The following CLYBL variants were observed in gnomAD, a reference collection of about 807,000 sequenced individuals.
The protein encoded by CLYBL is citramalyl-CoA lyase, mitochondrial.
CLYBL carries 31 observed loss-of-function variants against 38.9 expected under a neutral mutation model. The observed-to-expected ratio is 0.80, with a 90% confidence interval of 0.60 to 1.08. The LOEUF is 1.08. Among genes scored for constraint, CLYBL ranks in the 50% least tolerant of loss-of-function variants. The pLI is 0.00. For missense variants in CLYBL, 434 were observed against 411.6 expected, an observed-to-expected ratio of 1.05 and a Z score of -0.47; for synonymous variants, 171 against 158.6, an observed-to-expected ratio of 1.08 and a Z score of -0.59.
At chr13:99,881,489 C>T (rs2052207820) in intron 7 of CLYBL, among the ~76,000 whole-genome samples, 1 of 152,132 alleles carries the variant, frequency 6.6e-6, no homozygotes, top group African/African-American at 2.4e-5. Context: ...GTGGCATGAT[C>T]ATGGCTCACT....
intron 7 of CLYBL, chr13:99,877,629 TGCAATG>T (rs2052082918): frequency 6.1e-6 from 2 of 327,750 alleles, no homozygotes; most frequent in Admixed American, 4.6e-5. Context: ...CAGGCTGGAG[TGCAATG>T]GCGTGATCTC....
rs114702914 is a variant in CLYBL, at chr13:99,885,737, C to G, written c.928-5581C>G. 3.8e-3 allele frequency among the ~76,000 whole-genome samples: 572 copies of G among 152,274 alleles called. 3 individuals are homozygous for G. Among genetic ancestry groups the G allele is most frequent in the African/African-American group, 0.013 (546 of 41,548 alleles). The stretch of plus-strand genomic sequence containing the variant: ...AGAGGGAACCAAGGGCACACGAGGG[C>G]CTTTCTAAGGACTCTCCAAGTGGGA... On this transcript the variant is annotated intron_variant, in intron 7 of 8. Coordinates refer to ENST00000339105, the MANE Select transcript of CLYBL (RefSeq NM_206808.5).
intron 1 of CLYBL, among the ~76,000 whole-genome samples, chr13:99,609,270 G>C (rs1365356008): frequency 7.0e-6 from 1 of 143,784 alleles, no homozygotes; most frequent in Non-Finnish European, 1.5e-5. Context: ...TCTGACTCCC[G>C]GGTTCAAGCG....
rs112406599 is a variant in CLYBL, at chr13:99,635,346, T to G, written c.62+28589T>G. Among the ~76,000 whole-genome samples, 214 of 152,086 alleles carry G rather than the reference T, an allele frequency of 1.4e-3. 3 individuals are homozygous for G. Among genetic ancestry groups the G allele is most frequent in the African/African-American group, 5.0e-3 (206 of 41,494 alleles). On this transcript the variant is annotated intron_variant, in intron 1 of 8. Coordinates refer to ENST00000339105, the MANE Select transcript of CLYBL (RefSeq NM_206808.5). ...ACCTTTTCCAGGATCAAATTGAGAC[T>G]TCTCCAGTGTTTGCAGAGTGAGGTC...
chr13:99,702,628 G>A (rs1205378688), intron 1 of CLYBL, among the ~76,000 whole-genome samples: 26 of 132,738 alleles, frequency 2.0e-4, no homozygotes, highest in Admixed American at 6.3e-4. Flanking sequence ...GTGAAATTCC[G>A]TCTCAAAAAA....
At chr13:99,794,236 C>T (rs1014684103) in intron 2 of CLYBL, among the ~76,000 whole-genome samples, 4 of 152,088 alleles carry the variant, frequency 2.6e-5, no homozygotes, top group African/African-American at 9.7e-5. Flanking sequence ...GCCTGGCCAA[C>T]ATGATGAAAC....
chr13:99,816,512 T>C (rs1035843597), intron 2 of CLYBL, among the ~76,000 whole-genome samples: 7 of 152,234 alleles, frequency 4.6e-5, no homozygotes, highest in Non-Finnish European at 1.0e-4. Flanking sequence ...TGAATGTATG[T>C]GTCACCCTCA....
intron 2 of CLYBL, among the ~76,000 whole-genome samples, chr13:99,788,488 A>G (rs2049846309): frequency 6.6e-6 from 1 of 152,162 alleles, no homozygotes; most frequent in Non-Finnish European, 1.5e-5. Flanking sequence ...TTCTGTTTAT[A>G]TGCTGGATTA....
Position 99,869,664 on chromosome 13 carries a change from C to T in CLYBL, c.803-1274C>T, listed in dbSNP as rs1342648457. On this transcript the variant is annotated intron_variant, in intron 6 of 8. Coordinates refer to ENST00000339105, the MANE Select transcript of CLYBL (RefSeq NM_206808.5). This position sits in a 1 kb window ranked among gnomAD's most constrained non-coding sequence, Gnocchi z 4.3. ...CACTTAAACTCTTTTACATGAAACA[C>T]TAAAAATATGTTTTTACAAGCATCA... Among the ~76,000 whole-genome samples the T allele has an allele frequency of 6.6e-6, 1 of 152,006 alleles. No individual in the cohort carries two copies. Among genetic ancestry groups the T allele is most frequent in the East Asian group, 1.9e-4 (1 of 5,196 alleles).
At chr13:99,615,845 T>C (rs907734045) in intron 1 of CLYBL, among the ~76,000 whole-genome samples, 8 of 152,100 alleles carry the variant, frequency 5.3e-5, no homozygotes, top group African/African-American at 9.7e-5. Context: ...TTGTTGTTGT[T>C]TATTTTGAAA....
chr13:99,782,516 A>T (rs75082276), intron 2 of CLYBL, among the ~76,000 whole-genome samples: 3 of 152,080 alleles, frequency 2.0e-5, no homozygotes, highest in African/African-American at 2.4e-5. Flanking sequence ...GGGGGAAAAA[A>T]GTTTATAATA....
At chr13:99,726,587 G>A (rs2048476189) in intron 1 of CLYBL, 1 of 152,146 alleles carries the variant, frequency 6.6e-6, no homozygotes, top group South Asian at 2.1e-4. Context: ...ACAGGCTGTC[G>A]TCATTTACTT....
intron 2 of CLYBL, among the ~76,000 whole-genome samples, chr13:99,781,151 T>A (rs1380669856): frequency 6.7e-6 from 1 of 149,608 alleles, no homozygotes; most frequent in African/African-American, 2.4e-5. Flanking sequence ...TTTTTAAATT[T>A]TTTATTATTT....
At chr13:99,750,567 G>C (rs951036890) in intron 1 of CLYBL, among the ~76,000 whole-genome samples, 2 of 151,844 alleles carry the variant, frequency 1.3e-5, no homozygotes, top group Admixed American at 1.3e-4. Context: ...CCAGCTACTC[G>C]GGAGGCTGAG....
At chr13:99,897,584 A>C, downstream of CLYBL, among the ~76,000 whole-genome samples, 1 of 152,304 alleles carries the variant, frequency 6.6e-6, no homozygotes, top group African/African-American at 2.4e-5. Flanking sequence ...GAGGAATCCC[A>C]AAACTGTGTG....
At chr13:99,663,556 G>A (rs1401999494) in intron 1 of CLYBL, among the ~76,000 whole-genome samples, 1 of 152,138 alleles carries the variant, frequency 6.6e-6, no homozygotes, top group Non-Finnish European at 1.5e-5. Context: ...TGTGGAGTTC[G>A]GGACATGCCT....
chr13:99,795,767 T>C (rs1175968186), intron 2 of CLYBL, among the ~76,000 whole-genome samples: 1 of 152,140 alleles, frequency 6.6e-6, no homozygotes, highest in African/African-American at 2.4e-5. Flanking sequence ...TTGTCTTTGG[T>C]TTCCCAAAGA....
At chr13:99,821,214 A>C (rs1287137054) in intron 2 of CLYBL, among the ~76,000 whole-genome samples, 2 of 152,116 alleles carry the variant, frequency 1.3e-5, no homozygotes, top group African/African-American at 4.8e-5. Context: ...CACTATCCAA[A>C]CTTACCATTT....
At chr13:99,722,824 G>C (rs141570122) in intron 1 of CLYBL, among the ~76,000 whole-genome samples, 10 of 152,216 alleles carry the variant, frequency 6.6e-5, no homozygotes, top group Admixed American at 6.5e-4. Context: ...GTGGACTGAC[G>C]ACTGAGTTCC....
Sources: gnomAD v4.1 joint callset for allele counts (sites outside exome capture counted in the v4.1 genomes callset) on GRCh38, gnomAD v4.1.1 for gene constraint, Gnocchi (gnomAD v3.1) non-coding constraint, MANE v1.5 for transcripts, NCBI Gene and HGNC (gene_info 2026-07-23, HGNC 2026-07-21) for gene names.